DMD: variants seen among roughly 807,000 people sequenced by gnomAD.
The protein encoded by DMD is mutant dystrophin.
DMD carries 63 observed loss-of-function variants against 330.1 expected under a neutral mutation model. That is an observed-to-expected ratio of 0.19 (90% CI 0.16 to 0.24). The LOEUF is 0.24. Among genes scored for constraint, DMD ranks in the 10% least tolerant of loss-of-function variants. The probability of loss-of-function intolerance (pLI) is 1.00; values close to 1 mark genes in which losing one functional copy is unlikely to be tolerated. For synonymous variants in DMD, 1,223 were observed against 959.8 expected (o/e 1.27, Z -5.07); for missense variants, 3,344 against 2,684.1 (o/e 1.25, Z -5.43).
chrX:33,164,924 CTTTCT>C (rs1471010729), intron 1 of DMD, among the ~76,000 whole-genome samples: 11 of 42,303 alleles, frequency 2.6e-4, no homozygotes, highest in Admixed American at 3.9e-4. Flanking sequence ...TACTTACTTT[CTTTCT>C]TTTTTTTTTT....
intron 9 of DMD, among the ~76,000 whole-genome samples, chrX:32,652,095 A>C (rs1012323539): frequency 1.8e-5 from 2 of 111,668 alleles, no homozygotes; most frequent in African/African-American, 3.3e-5. Context: ...TAAAAATCTC[A>C]TTCTATAGCC....
At chrX:31,263,712 T>C (rs771909970) in intron 62 of DMD, among the ~76,000 whole-genome samples, 1 of 112,373 alleles carries the variant, frequency 8.9e-6, no homozygotes, top group African/African-American at 3.2e-5. Flanking sequence ...TTCTAAGCAA[T>C]GCAAAAGAAC....
At chrX:32,916,175 C>G (rs2087782691) in intron 2 of DMD, among the ~76,000 whole-genome samples, 1 of 111,319 alleles carries the variant, frequency 9.0e-6, no homozygotes, top group African/African-American at 3.3e-5. Flanking sequence ...AACTATCCAT[C>G]AGAGTCAACA....
At chrX:32,605,596 C>T (rs1372599611) in intron 12 of DMD, among the ~76,000 whole-genome samples, 1 of 110,121 alleles carries the variant, frequency 9.1e-6, no homozygotes, top group Non-Finnish European at 1.9e-5. Context: ...AAACAAAAAA[C>T]AATCAACAGA....
chrX:33,254,389 G>T (rs1462558539), intron 1 of DMD, among the ~76,000 whole-genome samples: 1 of 110,428 alleles, frequency 9.1e-6, no homozygotes. Context: ...AATTCTAAAA[G>T]TTTATCATTA....
At chrX:32,582,387 T>A (rs775968953) in intron 13 of DMD, among the ~76,000 whole-genome samples, 1 of 111,729 alleles carries the variant, frequency 9.0e-6, no homozygotes, top group East Asian at 2.8e-4. Context: ...TTCAAAAATA[T>A]ATTCATAACA....
intron 60 of DMD, among the ~76,000 whole-genome samples, chrX:31,365,560 G>A (rs925716063): frequency 1.8e-5 from 2 of 111,982 alleles, no homozygotes; most frequent in African/African-American, 6.5e-5. Context: ...CCTGTGATTT[G>A]GCCATTTGAT....
At chrX:32,663,119 C>A (rs1474804397) in intron 9 of DMD, among the ~76,000 whole-genome samples, 2 of 111,694 alleles carry the variant, frequency 1.8e-5, no homozygotes, top group Non-Finnish European at 3.8e-5. Flanking sequence ...TGATGATAAT[C>A]TTGAGTGGAG....
At chrX:32,756,247 T>C (rs1263531760) in intron 7 of DMD, 1 of 112,170 alleles carries the variant, frequency 8.9e-6, no homozygotes, top group Non-Finnish European at 1.9e-5. Context: ...AACATTAACC[T>C]GGACTTTTCG....
intron 1 of DMD, among the ~76,000 whole-genome samples, chrX:33,181,071 G>T (rs2049977673): frequency 9.1e-6 from 1 of 110,336 alleles, no homozygotes; most frequent in Non-Finnish European, 1.9e-5. Flanking sequence ...ACACATATAT[G>T]TATGTATGTA....
intron 41 of DMD, among the ~76,000 whole-genome samples, chrX:32,329,749 C>A (rs989004320): frequency 2.7e-5 from 3 of 112,232 alleles, no homozygotes; most frequent in Admixed American, 9.4e-5. Context: ...AGTCTATTAA[C>A]TAAGAAAGCA....
chrX:33,328,257 G>C (rs5928235), intron 1 of DMD, among the ~76,000 whole-genome samples: 43,598 of 110,100 alleles, frequency 0.4, 7,167 homozygotes, highest in Non-Finnish European at 0.52. Flanking sequence ...AGGTTGGAGT[G>C]CACTGGCACG....
At chrX:32,939,467 T>C (rs1302635433) in intron 2 of DMD, among the ~76,000 whole-genome samples, 1 of 111,017 alleles carries the variant, frequency 9.0e-6, no homozygotes, top group Non-Finnish European at 1.9e-5. Context: ...CCTTTCCTTT[T>C]AGTCCCTCCT....
chrX:31,496,398 AAC>A (rs1419006742), intron 57 of DMD, among the ~76,000 whole-genome samples: 1 of 112,359 alleles, frequency 8.9e-6, no homozygotes, highest in East Asian at 2.8e-4. Context: ...ACAATAAAAT[AAC>A]ACACGCCTGA....
At chrX:32,409,657 T>C (rs1433957057) in intron 30 of DMD, among the ~76,000 whole-genome samples, 1 of 111,972 alleles carries the variant, frequency 8.9e-6, no homozygotes, top group Non-Finnish European at 1.9e-5. Flanking sequence ...CACAAAGTAA[T>C]TCTTTATGCA....
At chrX:32,846,135 G>A (rs773841447) in intron 3 of DMD, among the ~76,000 whole-genome samples, 5 of 111,939 alleles carry the variant, frequency 4.5e-5, no homozygotes, top group African/African-American at 1.3e-4. Flanking sequence ...TATTGACTTC[G>A]TAGTATGTGC....
intron 1 of DMD, among the ~76,000 whole-genome samples, chrX:33,274,647 T>C (rs374222609): frequency 4.5e-5 from 5 of 111,900 alleles, no homozygotes; most frequent in Admixed American, 1.9e-4. Context: ...TTCTCAATAG[T>C]TATGTAAATA....
At chrX:33,311,037 G>A (rs938870909) in intron 1 of DMD, among the ~76,000 whole-genome samples, 2 of 109,885 alleles carry the variant, frequency 1.8e-5, no homozygotes, top group African/African-American at 3.3e-5. Context: ...GTTCAATGTA[G>A]AACTTCATAA....
At chrX:32,663,341 T>A (rs1179441688) in intron 9 of DMD, among the ~76,000 whole-genome samples, 1 of 111,721 alleles carries the variant, frequency 9.0e-6, no homozygotes, top group Non-Finnish European at 1.9e-5. Context: ...ATGTAAGATA[T>A]CCATAATCAA....
Sources: allele counts gnomAD v4.1 joint callset (sites outside exome capture counted in the v4.1 genomes callset), GRCh38; gene constraint gnomAD v4.1.1; transcripts MANE v1.5; gene names NCBI Gene and HGNC (gene_info 2026-07-23, HGNC 2026-07-21).